The following USP34 variants were observed in gnomAD, a reference collection of about 807,000 sequenced individuals.
The protein encoded by USP34 is ubiquitin specific peptidase 34.
A neutral mutation model predicts 460.3 loss-of-function variants in USP34; 70 were observed. The observed-to-expected ratio is 0.15, with a 90% confidence interval of 0.13 to 0.19. USP34 has a LOEUF of 0.19. USP34 is among the 10% of genes least tolerant of loss of function. The pLI is 1.00. For synonymous variants in USP34, 1,647 were observed against 1,405.3 expected, an observed-to-expected ratio of 1.17 and a Z score of -3.85; for missense variants, 3,985 against 4,236.2, an observed-to-expected ratio of 0.94 and a Z score of 1.65.
intron 70 of USP34, 116 bp downstream of exon 70, chr2:61,208,783 A>C (rs1376195480): frequency 1.3e-5 from 8 of 599,202 alleles, no homozygotes; most frequent in Non-Finnish European, 2.1e-5. Context: ...CTATATAATT[A>C]AAACCTTGCC....
At position 61,188,003 on chromosome 2, in the gene USP34, C is replaced by T. The variant is rs957637366; in HGVS notation, c.*99G>A. On this transcript the variant is annotated 3_prime_UTR_variant, in exon 80 of 80. Transcript: ENST00000398571. ...TATCTTGCCATTCAAGCAGAGAGCA[C>T]TGGACAAACTGAAGCACAAAAACAA... The T allele has an allele frequency of 2.0e-6, 3 of 1,507,124 alleles. No individual in the cohort carries two copies. Among genetic ancestry groups the T allele is most frequent in the South Asian group, 2.8e-5 (2 of 71,780 alleles). 93.4% of individuals were successfully genotyped at this position (1,507,124 alleles called of 1,614,324 possible).
intron 18 of USP34, among the ~76,000 whole-genome samples, chr2:61,334,341 C>T (rs1417321987): frequency 1.3e-5 from 2 of 152,048 alleles, no homozygotes; most frequent in East Asian, 1.9e-4. Context: ...TTATGAACCA[C>T]GTCACTAATG....
chr2:61,461,500 T>C (rs1260097838), intron 1 of USP34, among the ~76,000 whole-genome samples: 1 of 152,138 alleles, frequency 6.6e-6, no homozygotes, highest in Non-Finnish European at 1.5e-5. Context: ...TACTAGTAAT[T>C]GCTTAATACA....
At chr2:61,207,049 C>T in intron 70 of USP34, 163 bp from the exon 71 acceptor site, 6 of 663,140 alleles carry the variant, frequency 9.0e-6, no homozygotes, top group Non-Finnish European at 1.5e-5. Flanking sequence ...GTTAAACTCT[C>T]ATTAAGCTCT....
intron 76 of USP34, chr2:61,191,478 G>C (rs1279051986): frequency 6.6e-6 from 1 of 152,136 alleles, no homozygotes; most frequent in South Asian, 2.1e-4. Flanking sequence ...CAAGAAATTA[G>C]GATTCAAGTA....
intron 15 of USP34, among the ~76,000 whole-genome samples, chr2:61,345,076 C>T (rs112508192): frequency 0.083 from 12,570 of 152,184 alleles, 651 homozygotes; most frequent in Admixed American, 0.13. Context: ...AGCTCAAGAC[C>T]AGCCTGGCCA....
At chr2:61,233,061 T>C (rs2103837189) in intron 57 of USP34, among the ~76,000 whole-genome samples, 1 of 152,142 alleles carries the variant, frequency 6.6e-6, no homozygotes. Flanking sequence ...GGTTTCACTA[T>C]GTTGGCCAGG....
At chr2:61,211,740 TAAA>T (rs1558468497) in intron 69 of USP34, 29 bp downstream of exon 69, 2 of 1,531,018 alleles carry the variant, frequency 1.3e-6, no homozygotes, top group South Asian at 2.5e-5. Context: ...TCACTGGAAA[TAAA>T]CAAGACAAAA....
Position 61,348,832 on chromosome 2 carries a change from C to T in USP34, c.1598G>A (p.Gly533Glu). The change falls in exon 14 of 80, where the codon GGA becomes GAA. Residue 533 changes from glycine (G) to glutamate (E), a missense_variant. By Grantham distance (98) the Gly-to-Glu change is moderately conservative. Around this residue, in one of 14 missense-constraint regions of USP34, gnomAD observed 716 missense variants for 626.2 expected, o/e 1.14. Transcript: ENST00000398571. Reference sequence around the variant, plus strand: ...CTCATCCATTTCAATGTCACTACCTCCACTTTGATGTGTATCGCTATTATC... The same window carrying T: ...CTCATCCATTTCAATGTCACTACCTTCACTTTGATGTGTATCGCTATTATC... ...SSDNSDTHQS[G>E]GSDIEMDEQL... The T allele has an allele frequency of 6.2e-7, 1 of 1,613,824 alleles. No individual in the cohort carries two copies.
intron 33 of USP34, 116 bp from the exon 34 acceptor site, chr2:61,288,993 T>G: frequency 9.7e-7 from 1 of 1,032,634 alleles, no homozygotes; most frequent in Non-Finnish European, 1.4e-6. Flanking sequence ...TACTTAATCA[T>G]GTACTATAAA....
At chr2:61,193,999 A>G (rs898591993) in intron 75 of USP34, 6 of 490,954 alleles carry the variant, frequency 1.2e-5, no homozygotes, top group East Asian at 3.0e-4. Context: ...AAAATATTCT[A>G]TATTAAAAAA....
At chr2:61,446,109 G>C (rs1369067642) in intron 1 of USP34, among the ~76,000 whole-genome samples, 1 of 80,218 alleles carries the variant, frequency 1.2e-5, no homozygotes, top group East Asian at 4.3e-4. Context: ...GTCAGACTCT[G>C]TCTCAAAAAA....
chr2:61,196,173 C>T (rs1216274910), intron 75 of USP34, among the ~76,000 whole-genome samples: 1 of 149,976 alleles, frequency 6.7e-6, no homozygotes, highest in African/African-American at 2.5e-5. Context: ...CTCCACCTCC[C>T]GGGTTCATGC....
intron 34 of USP34, among the ~76,000 whole-genome samples, chr2:61,286,517 A>G (rs930680813): frequency 2.0e-5 from 3 of 152,090 alleles, no homozygotes; most frequent in African/African-American, 7.2e-5. Context: ...TTAGCCACGC[A>G]TGGTGGCGTG....
chr2:61,209,849 G>GA (rs1275504473), intron 69 of USP34, among the ~76,000 whole-genome samples: 1 of 152,192 alleles, frequency 6.6e-6, no homozygotes, highest in Admixed American at 6.5e-5. Context: ...ACAAGATGTG[G>GA]AGGTGGGAGA....
intron 39 of USP34, among the ~76,000 whole-genome samples, chr2:61,279,894 T>C (rs924558441): frequency 4.6e-5 from 7 of 152,352 alleles, no homozygotes; most frequent in African/African-American, 1.7e-4. Flanking sequence ...GCAATTTTAT[T>C]TTACGTATTT....
chr2:61,428,041 T>G (rs917705266), intron 1 of USP34, among the ~76,000 whole-genome samples: 2 of 151,882 alleles, frequency 1.3e-5, no homozygotes, highest in Admixed American at 6.6e-5. Context: ...GGCGTGTGCC[T>G]GTAGTCCCAG....
At chr2:61,232,870 C>CCCTT (rs1214353382) in intron 57 of USP34, among the ~76,000 whole-genome samples, 3 of 86,762 alleles carry the variant, frequency 3.5e-5, no homozygotes, top group African/African-American at 1.3e-4. Context: ...TCCCCCCCCC[C>CCCTT]TTTTTTTTTT....
intron 1 of USP34, among the ~76,000 whole-genome samples, chr2:61,441,697 G>C (rs1694967963): frequency 6.6e-6 from 1 of 151,698 alleles, no homozygotes; most frequent in Non-Finnish European, 1.5e-5. Context: ...CCAGATACTT[G>C]AGAGGGTGAG....
Sources: gnomAD v4.1 joint callset for allele counts (sites outside exome capture counted in the v4.1 genomes callset) on GRCh38, gnomAD v4.1.1 for gene constraint, gnomAD v4.1.1 regional missense constraint, MANE v1.5 for transcripts, NCBI Gene and HGNC (gene_info 2026-07-23, HGNC 2026-07-21) for gene names.